The following SMYD3 variants were observed in gnomAD, a reference collection of about 807,000 sequenced individuals.
SMYD3 encodes the protein histone-lysine N-methyltransferase SMYD3.
SMYD3 carries 36 observed loss-of-function variants against 57.7 expected under a neutral mutation model. That is an observed-to-expected ratio of 0.62 (90% CI 0.48 to 0.82). The LOEUF is 0.82. Ranked by LOEUF, SMYD3 falls within the 40% of genes least tolerant of loss-of-function variation. The pLI, the probability that SMYD3 is intolerant of heterozygous loss-of-function variation, is 0.00. For missense variants in SMYD3, 515 were observed against 538.8 expected, an observed-to-expected ratio of 0.96 and a Z score of 0.44; for synonymous variants, 211 against 195.0, an observed-to-expected ratio of 1.08 and a Z score of -0.68.
chr1:246,416,570 A>C (rs1286510544), intron 1 of SMYD3, among the ~76,000 whole-genome samples: 1 of 151,996 alleles, frequency 6.6e-6, no homozygotes, highest in Non-Finnish European at 1.5e-5. Context: ...AAAAAAAAAA[A>C]AACTTTTACT....
intron 8 of SMYD3, among the ~76,000 whole-genome samples, chr1:245,866,967 T>A (rs2051890631): frequency 6.6e-6 from 1 of 152,226 alleles, no homozygotes; most frequent in Non-Finnish European, 1.5e-5. Context: ...AAGCAAAATG[T>A]TAGTCTCTAT....
chr1:246,110,814 A>G (rs1457999231), intron 5 of SMYD3, among the ~76,000 whole-genome samples: 1 of 152,202 alleles, frequency 6.6e-6, no homozygotes, highest in Non-Finnish European at 1.5e-5. Context: ...ACCTCAGCCC[A>G]TCCTGCCTGG....
At chr1:246,366,914 G>A (rs1189123672) in intron 1 of SMYD3, among the ~76,000 whole-genome samples, 1 of 124,744 alleles carries the variant, frequency 8.0e-6, no homozygotes, top group Non-Finnish European at 1.6e-5. Flanking sequence ...CTGGGCGACA[G>A]AGCGAGACTC....
chr1:246,324,789 A>G (rs2065311726), intron 5 of SMYD3, among the ~76,000 whole-genome samples: 1 of 151,274 alleles, frequency 6.6e-6, no homozygotes, highest in African/African-American at 2.4e-5. Context: ...TTTATACCAG[A>G]GTAAAATGAG....
chr1:245,847,123 G>T (rs988296257), intron 10 of SMYD3, among the ~76,000 whole-genome samples: 1 of 152,140 alleles, frequency 6.6e-6, no homozygotes, highest in East Asian at 1.9e-4. Context: ...AATAAGAATA[G>T]TACACATTTT....
intron 10 of SMYD3, among the ~76,000 whole-genome samples, chr1:245,764,913 A>C (rs2046006383): frequency 6.6e-6 from 1 of 151,998 alleles, no homozygotes; most frequent in Non-Finnish European, 1.5e-5. Context: ...TCAATTCAAC[A>C]AGAATTTACC....
intron 8 of SMYD3, among the ~76,000 whole-genome samples, chr1:245,872,190 G>A (rs10924371): frequency 0.59 from 89,322 of 152,162 alleles, 29,068 homozygotes; most frequent in Non-Finnish European, 0.75. Flanking sequence ...CAGCCCACAG[G>A]TGAAGTAAAA....
At chr1:246,053,338 A>T (rs114742921) in intron 5 of SMYD3, among the ~76,000 whole-genome samples, 430 of 152,296 alleles carry the variant, frequency 2.8e-3, no homozygotes, top group South Asian at 0.016. Flanking sequence ...TGATTAAAAA[A>T]TGTTTATGAA....
chr1:246,150,490 CA>C lies in SMYD3; in HGVS notation c.531+176710del, dbSNP rs112234028. 1.6e-3 allele frequency among the ~76,000 whole-genome samples: 240 copies of C among 152,326 alleles called. 1 individual carries two copies. The highest frequency in any genetic ancestry group is 5.3e-3 in the African/African-American group (222 of 41,578). On this transcript the variant is annotated intron_variant, in intron 5 of 11. Coordinates refer to ENST00000490107, the MANE Select transcript of SMYD3 (RefSeq NM_001167740.2). ...CATTCTGTAATCAGGCCTAGTATTA[CA>C]AAGGTATGCTGAAGCATTTTTTACA... is the stretch of plus-strand genomic sequence containing the variant.
chr1:245,951,918 C>A (rs1306814489), intron 5 of SMYD3, among the ~76,000 whole-genome samples: 1 of 152,142 alleles, frequency 6.6e-6, no homozygotes, highest in Non-Finnish European at 1.5e-5. Flanking sequence ...TTCCCCCCTA[C>A]ATCTAAATGC....
chr1:246,448,171 C>T (rs1302566258), intron 1 of SMYD3, among the ~76,000 whole-genome samples: 1 of 152,130 alleles, frequency 6.6e-6, no homozygotes, highest in Non-Finnish European at 1.5e-5. Context: ...GAGCCAAGAT[C>T]GCGCCATTGC....
At chr1:245,932,642 C>T (rs2056788651) in intron 5 of SMYD3, among the ~76,000 whole-genome samples, 3 of 152,176 alleles carry the variant, frequency 2.0e-5, no homozygotes, top group Non-Finnish European at 4.4e-5. Context: ...TCACTGCAGC[C>T]TCGAACTCCG....
intron 5 of SMYD3, among the ~76,000 whole-genome samples, chr1:246,322,679 C>T (rs2065269229): frequency 1.3e-5 from 2 of 152,098 alleles, no homozygotes; most frequent in African/African-American, 4.8e-5. Flanking sequence ...CTTTTATCTC[C>T]GTTCAGCCAC....
intron 5 of SMYD3, among the ~76,000 whole-genome samples, chr1:245,951,734 C>G (rs1379907034): frequency 6.6e-6 from 1 of 151,894 alleles, no homozygotes; most frequent in Admixed American, 6.6e-5. Context: ...AACGTCTCAA[C>G]TTTCTCATGT....
intron 10 of SMYD3, among the ~76,000 whole-genome samples, chr1:245,836,201 G>A (rs2050098516): frequency 6.6e-6 from 1 of 152,218 alleles, no homozygotes; most frequent in South Asian, 2.1e-4. Context: ...ATAAACAGAA[G>A]CAGGAGCTTG....
chr1:246,401,106 C>G (rs955592989), intron 1 of SMYD3, among the ~76,000 whole-genome samples: 13 of 152,180 alleles, frequency 8.5e-5, no homozygotes, highest in Admixed American at 8.5e-4. Context: ...ATTCAGTGAT[C>G]ACTTTCAAAG....
intron 10 of SMYD3, among the ~76,000 whole-genome samples, chr1:245,856,188 A>G (rs1449383235): frequency 6.6e-6 from 1 of 152,248 alleles, no homozygotes. Flanking sequence ...TGCCTGAGCT[A>G]AAGGGGAAAA....
chr1:246,350,471 C>G (rs1390034441), intron 2 of SMYD3, among the ~76,000 whole-genome samples: 5 of 152,166 alleles, frequency 3.3e-5, no homozygotes, highest in Admixed American at 3.3e-4. Context: ...GAGAAGGGAA[C>G]CAATTCAGAT....
Position 246,004,837 on chromosome 1 carries a change from G to A in SMYD3, c.532-74900C>T, listed in dbSNP as rs80045191. ...GCTACAGACACTATAAGAAATAAAAGAATAAGGGATAATAATTTTTTTTTT... is the reference window on the plus strand; with the variant it reads ...GCTACAGACACTATAAGAAATAAAAAAATAAGGGATAATAATTTTTTTTTT... On this transcript the variant is annotated intron_variant, in intron 5 of 11. Transcript: ENST00000490107. Among the ~76,000 whole-genome samples, 1,067 of 152,164 alleles carry A rather than the reference G, an allele frequency of 7.0e-3. 6 individuals are homozygous for A. The highest frequency in any genetic ancestry group is 0.011 in the Non-Finnish European group (749 of 68,004).
Sources: allele counts gnomAD v4.1 joint callset (sites outside exome capture counted in the v4.1 genomes callset), GRCh38; gene constraint gnomAD v4.1.1; transcripts MANE v1.5; gene names NCBI Gene and HGNC (gene_info 2026-07-23, HGNC 2026-07-21).